The following JMY variants were observed in gnomAD, a reference collection of about 807,000 sequenced individuals.
The protein encoded by JMY is junction-mediating and -regulatory protein.
A neutral mutation model predicts 103.3 loss-of-function variants in JMY; 46 were observed. That is an observed-to-expected ratio of 0.45 (90% confidence interval 0.35 to 0.57). The LOEUF is 0.57. Ranked by LOEUF, JMY falls within the 20% of genes least tolerant of loss-of-function variation. JMY has a pLI of 0.00. For synonymous variants in JMY, 526 were observed against 489.3 expected (o/e 1.07, Z -0.99); for missense variants, 1,238 against 1,255.2 (o/e 0.99, Z 0.21).
At chr5:79,295,088 C>T (rs141522857) in intron 4 of JMY, among the ~76,000 whole-genome samples, 4 of 152,078 alleles carry the variant, frequency 2.6e-5, no homozygotes, top group African/African-American at 4.8e-5. Flanking sequence ...AGTTTTAATT[C>T]GTCAAGTATT....
At chr5:79,251,655 C>T (rs1442123942) in intron 1 of JMY, among the ~76,000 whole-genome samples, 11 of 151,762 alleles carry the variant, frequency 7.2e-5, no homozygotes, top group Admixed American at 5.3e-4. Flanking sequence ...TTAGCCGCCC[C>T]CACCTCCCCC....
chr5:79,319,889 G>A (rs1020594901), intron 10 of JMY, among the ~76,000 whole-genome samples: 1 of 151,928 alleles, frequency 6.6e-6, no homozygotes, highest in Admixed American at 6.6e-5. Flanking sequence ...CAGATTTCTT[G>A]ATTATAGATT....
chr5:79,244,147 T>C (rs1294795541), intron 1 of JMY, among the ~76,000 whole-genome samples: 1 of 151,972 alleles, frequency 6.6e-6, no homozygotes, highest in Non-Finnish European at 1.5e-5. Context: ...ATTACAAGCA[T>C]GTGCCACCAC....
At chr5:79,249,609 T>G (rs763676382) in intron 1 of JMY, among the ~76,000 whole-genome samples, 2 of 152,188 alleles carry the variant, frequency 1.3e-5, no homozygotes, top group Non-Finnish European at 2.9e-5. Flanking sequence ...GGAACAGGTA[T>G]TTATCTGAAG....
chr5:79,236,367 A>T lies in JMY; in HGVS notation c.-284A>T. 1 of 252,708 alleles carries T rather than the reference A, an allele frequency of 4.0e-6. No individual in the cohort carries two copies. Among genetic ancestry groups the T allele is most frequent in the Non-Finnish European group, 7.5e-6 (1 of 133,032 alleles). 15.7% of individuals were successfully genotyped at this position (252,708 alleles called of 1,614,324 possible). On this transcript the variant is annotated 5_prime_UTR_variant, in exon 1 of 11. Coordinates refer to ENST00000396137, the MANE Select transcript of JMY (RefSeq NM_152405.5). ...GCGCGGGGGGCGGCGGGCGGCCGCG[A>T]GGCGCTGCGGCAGCGCGGAGCTTGT...
chr5:79,274,908 G>A (rs1024489831), intron 1 of JMY, among the ~76,000 whole-genome samples: 1 of 152,144 alleles, frequency 6.6e-6, no homozygotes, highest in Non-Finnish European at 1.5e-5. Flanking sequence ...CCTCCTTCAC[G>A]GAAGGCAGCA....
intron 1 of JMY, among the ~76,000 whole-genome samples, chr5:79,271,637 G>A (rs988231297): frequency 5.9e-5 from 9 of 152,138 alleles, no homozygotes; most frequent in Admixed American, 3.3e-4. Context: ...TTTACTCACC[G>A]TTATGCTAAC....
At chr5:79,243,445 G>A (rs1744799637) in intron 1 of JMY, among the ~76,000 whole-genome samples, 2 of 152,164 alleles carry the variant, frequency 1.3e-5, no homozygotes, top group Non-Finnish European at 2.9e-5. Context: ...TATTTATAGG[G>A]AAGGATATAA....
intron 1 of JMY, among the ~76,000 whole-genome samples, chr5:79,241,419 T>C (rs1194690531): frequency 6.6e-6 from 1 of 152,248 alleles, no homozygotes; most frequent in Non-Finnish European, 1.5e-5. Context: ...GTAAAATTTT[T>C]ATAAATTGAT....
At chr5:79,290,999 GAAA>G in intron 3 of JMY, 128 bp from the exon 4 acceptor site, 1 of 618,456 alleles carries the variant, frequency 1.6e-6, no homozygotes, top group Non-Finnish European at 2.5e-6. Context: ...AAGAAAAAAA[GAAA>G]AAAGTTATAA....
chr5:79,254,101 C>G (rs1423680358), intron 1 of JMY, among the ~76,000 whole-genome samples: 1 of 146,424 alleles, frequency 6.8e-6, no homozygotes, highest in African/African-American at 2.5e-5. Context: ...TGCCCACCAC[C>G]ACGCCCAGCT....
Position 79,244,202 on chromosome 5 carries a change from T to C in JMY, c.1032+6520T>C, listed in dbSNP as rs541260141. The stretch of plus-strand genomic sequence containing the variant: ...TTTTAGTAGAGATGGGGTTTCACCA[T>C]GTTGGCCAGGCTGGTCTCGAACTCC... On this transcript the variant is annotated intron_variant, in intron 1 of 10. Coordinates refer to ENST00000396137, the MANE Select transcript of JMY (RefSeq NM_152405.5). Among the ~76,000 whole-genome samples, 618 of 152,172 alleles carry C rather than the reference T, an allele frequency of 4.1e-3. 2 individuals carry two copies. Among genetic ancestry groups the C allele is most frequent in the South Asian group, 8.7e-3 (42 of 4,818 alleles).
Position 79,293,329 on chromosome 5 carries a change from A to C in JMY, c.1527+2030A>C, listed in dbSNP as rs16876620. Among the ~76,000 whole-genome samples, 195 of 152,290 alleles carry C rather than the reference A, an allele frequency of 1.3e-3. 1 individual carries two copies. Among genetic ancestry groups the C allele is most frequent in the African/African-American group, 3.9e-3 (164 of 41,550 alleles). Reference sequence around the variant, plus strand: ...CAGGCAAAATTCTGTTTGACTTGAAAGAATTAACTGCTCTTAGGAGTTGAT... The same window carrying C: ...CAGGCAAAATTCTGTTTGACTTGAACGAATTAACTGCTCTTAGGAGTTGAT... On this transcript the variant is annotated intron_variant, in intron 4 of 10. Transcript: ENST00000396137.
rs138994415 is a variant in JMY, at chr5:79,281,536, A to C, written c.1206+3453A>C. 2.2e-4 allele frequency among the ~76,000 whole-genome samples: 34 copies of C among 152,052 alleles called. 5 individuals carry two copies. In the East Asian group the frequency reaches 6.6e-3, roughly 29 times the overall value. On this transcript the variant is annotated intron_variant, in intron 2 of 10. Transcript: ENST00000396137. The stretch of plus-strand genomic sequence containing the variant: ...CTATTGTATATGTGTTTCATTGTTG[A>C]CTGAAACATCATTACGCAGCACGTG...
chr5:79,239,465 C>T (rs1207194715), intron 1 of JMY, among the ~76,000 whole-genome samples: 1 of 152,028 alleles, frequency 6.6e-6, no homozygotes, highest in Non-Finnish European at 1.5e-5. Flanking sequence ...CTTAAAAATC[C>T]CTTAATGAAT....
intron 7 of JMY, among the ~76,000 whole-genome samples, chr5:79,310,250 G>T (rs890784508): frequency 9.2e-5 from 14 of 151,406 alleles, no homozygotes; most frequent in African/African-American, 3.2e-4. Flanking sequence ...TTTAGTAGAT[G>T]GGGTTTCACC....
chr5:79,270,667 A>AATATTT (rs1435853218), intron 1 of JMY, among the ~76,000 whole-genome samples: 2 of 143,834 alleles, frequency 1.4e-5, no homozygotes, highest in Admixed American at 7.2e-5. Context: ...TATTTACATA[A>AATATTT]ATATAAAATA....
rs539491871 is a variant in JMY, at chr5:79,236,840, G to A, written c.190G>A (p.Ala64Thr). 25 of 1,451,844 alleles carry A rather than the reference G, an allele frequency of 1.7e-5. No homozygotes were observed. In the African/African-American group the frequency reaches 3.1e-4, roughly 18 times the overall value. The allele number at this position is 1,451,844 out of a possible 1,614,324, so 89.9% of individuals were successfully genotyped here. ...GAGCGGCTCCCGGGAGCAAGCGGGG[G>A]CGCGAGGGGGCGCCGAGGCCGGCGG... ...QRSGSREQAG[A>T]RGGAEAGGAA... is the part of the protein sequence containing the mutation. Residue 64 changes from alanine to threonine, a missense_variant, in exon 1 of 11, where the codon GCG becomes ACG. Transcript: ENST00000396137.
At position 79,316,219 on chromosome 5, in the gene JMY, T is replaced by C; in HGVS notation, c.2879T>C (p.Ile960Thr). 1 of 1,614,084 alleles carries C rather than the reference T, an allele frequency of 6.2e-7. No homozygotes were observed. The highest frequency in any genetic ancestry group is 8.5e-7 in the Non-Finnish European group (1 of 1,179,986). Residue 960 changes from isoleucine to threonine, a missense_variant, in exon 10 of 11, where the codon ATC (isoleucine) becomes ACC (threonine). Physicochemically the swap from Ile to Thr is moderately conservative, Grantham distance 89. Transcript: ENST00000396137. ...LPDTDPLTRS[I>T]HEALRRIKEA... is the part of the protein sequence containing the mutation. ...GATACAGACCCTCTAACACGGAGCATCCATGAAGCTCTTAGAAGAATTAAA... is the reference window on the plus strand; with the variant it reads ...GATACAGACCCTCTAACACGGAGCACCCATGAAGCTCTTAGAAGAATTAAA...
Sources: gnomAD v4.1 joint callset for allele counts (sites outside exome capture counted in the v4.1 genomes callset) on GRCh38, gnomAD v4.1.1 for gene constraint, MANE v1.5 for transcripts, NCBI Gene and HGNC (gene_info 2026-07-23, HGNC 2026-07-21) for gene names.